PROSER2: variants seen among roughly 807,000 people sequenced by gnomAD.
PROSER2 encodes the protein proline and serine rich 2.
Under a neutral mutation model 14.6 loss-of-function variants are expected in PROSER2, and 18 were observed. That is an observed-to-expected ratio of 1.23 (90% confidence interval 0.85 to 1.83). PROSER2 has a LOEUF of 1.83. Among genes scored for constraint, PROSER2 ranks in the 40% most tolerant of loss-of-function variants. The pLI is 0.00. For missense variants in PROSER2, 823 were observed against 629.8 expected, an observed-to-expected ratio of 1.31 and a Z score of -3.28; for synonymous variants, 367 against 286.4, an observed-to-expected ratio of 1.28 and a Z score of -2.84.
rs1402972496 is a variant in PROSER2 at position 11,837,335 on chromosome 10, T to C, written c.-82+13865T>C. On this transcript the variant is annotated intron_variant, in intron 1 of 3. Transcript: ENST00000277570. This position sits in a 1 kb window ranked among gnomAD's most constrained non-coding sequence, Gnocchi z 4.6. Reference sequence around the variant, plus strand: ...AGTTTTGCTGTCACACTTCATACGTTCAAGTTATGACCACTGTGTGACAAG... The same window carrying C: ...AGTTTTGCTGTCACACTTCATACGTCCAAGTTATGACCACTGTGTGACAAG... Among the ~76,000 whole-genome samples the C allele has an allele frequency of 6.6e-6, 1 of 152,240 alleles. No homozygotes were observed. Among genetic ancestry groups the C allele is most frequent in the East Asian group, 1.9e-4 (1 of 5,206 alleles).
intron 1 of PROSER2, among the ~76,000 whole-genome samples, chr10:11,839,009 T>C (rs577926339): frequency 6.6e-6 from 1 of 152,368 alleles, no homozygotes; most frequent in East Asian, 1.9e-4. Flanking sequence ...ATAACTTGTA[T>C]TTTTTGAGTC....
intron 1 of PROSER2, among the ~76,000 whole-genome samples, chr10:11,833,598 G>A (rs1833717723): frequency 6.6e-6 from 1 of 152,056 alleles, no homozygotes; most frequent in African/African-American, 2.4e-5. Context: ...GGCTGAGGCA[G>A]GAGAATCTTT....
At chr10:11,835,106 T>TAAAAA (rs10556057) in intron 1 of PROSER2, among the ~76,000 whole-genome samples, 2 of 141,780 alleles carry the variant, frequency 1.4e-5, no homozygotes, top group South Asian at 2.2e-4. Context: ...GAATCTGTCT[T>TAAAAA]AAAAAAAAAA....
At chr10:11,858,903 G>A (rs980664251) in intron 2 of PROSER2, among the ~76,000 whole-genome samples, 1 of 150,538 alleles carries the variant, frequency 6.6e-6, no homozygotes, top group Non-Finnish European at 1.5e-5. Context: ...CAGCTACTCA[G>A]GAAGCTGAGG....
chr10:11,846,089 C>T (rs762361910), intron 1 of PROSER2, among the ~76,000 whole-genome samples: 18 of 152,116 alleles, frequency 1.2e-4, no homozygotes, highest in Non-Finnish European at 7.4e-5. Context: ...CGGTTTCAAG[C>T]GACCCTCCTG....
In PROSER2 at chr10:11,870,396, A is replaced by G. The variant is rs753039020; in HGVS notation, c.1298A>G (p.Glu433Gly). ...EALRKLGLLR[E>G]SS is the part of the protein sequence containing the mutation. ...CTGCGGAAGCTGGGGCTGCTCAGGG[A>G]GAGTTCGTGAGGGCCGCGCGGGCTC... Residue 433 changes from glutamate to glycine, a missense_variant, in exon 4 of 4, where the codon GAG becomes GGG. By Grantham distance (98) the Glu-to-Gly change is moderately conservative. Transcript: ENST00000277570. 2.5e-5 allele frequency: 37 copies of G among 1,498,218 alleles called. 1 individual carries two copies. The highest frequency in any genetic ancestry group is 1.4e-4 in the South Asian group (11 of 78,232). 92.8% of individuals were successfully genotyped at this position (1,498,218 alleles called of 1,614,324 possible).
At chr10:11,833,270 G>C (rs573964248) in intron 1 of PROSER2, among the ~76,000 whole-genome samples, 2 of 62,230 alleles carry the variant, frequency 3.2e-5, no homozygotes, top group East Asian at 7.0e-4. Flanking sequence ...TCTTTGCTGG[G>C]TGCAGTGGCT....
In PROSER2 at chr10:11,852,210, A is replaced by T; in HGVS notation, c.133A>T (p.Thr45Ser). The T allele has an allele frequency of 6.2e-7, 1 of 1,603,156 alleles. No homozygotes were observed. Among genetic ancestry groups the T allele is most frequent in the Non-Finnish European group, 8.5e-7 (1 of 1,173,584 alleles). The part of the protein sequence containing the change: ...RSSSSRSRSF[T>S]LDDESLKYLT... ...CAGCAGCTCTCGCTCCAGAAGCTTC[A>T]CTTTGGTGAGTGACAGTTTTTCTTT... The change falls in exon 2 of 4, where the codon ACT (threonine) becomes TCT (serine). Residue 45 changes from threonine to serine, a missense_variant. Coordinates refer to ENST00000277570, the MANE Select transcript of PROSER2 (RefSeq NM_153256.4).
rs1246279432 is a variant in PROSER2, at chr10:11,870,034, C to T, written c.936C>T (p.Ser312=). 4 of 1,239,082 alleles carry T rather than the reference C, an allele frequency of 3.2e-6. No homozygotes were observed. The highest frequency in any genetic ancestry group is 3.4e-5 in the East Asian group (1 of 29,046). 76.8% of individuals were successfully genotyped at this position (1,239,082 alleles called of 1,614,324 possible). A position where few individuals can be genotyped will look rare whatever the true frequency, so the allele number is the denominator to read the frequency against. ...AGEGAPGGGS[S]PERVARGRGL... ...AGGGGGCCCCAGGGGGCGGCTCCTC[C>T]CCGGAGCGGGTGGCGCGTGGCCGGG... The change falls in exon 4 of 4, where the codon TCC becomes TCT. Residue 312 remains serine, a synonymous_variant. Coordinates refer to ENST00000277570, the MANE Select transcript of PROSER2 (RefSeq NM_153256.4).
At position 11,869,399 on chromosome 10, in the gene PROSER2, G is replaced by A. The variant is rs896534327; in HGVS notation, c.392-91G>A. The A allele has an allele frequency of 1.8e-5, 18 of 980,460 alleles. 1 individual carries two copies. In the Middle Eastern group the frequency reaches 9.3e-4, roughly 51 times the overall value. The allele number at this position is 980,460 out of a possible 1,614,324, so 60.7% of individuals were successfully genotyped here. On this transcript the variant is annotated intron_variant, in intron 3 of 3. Transcript: ENST00000277570. This position sits in a 1 kb window ranked among gnomAD's most constrained non-coding sequence, Gnocchi z 4.4. The stretch of plus-strand genomic sequence containing the variant: ...CCGGCGAAGTTGGTGTCAGGTCCAG[G>A]TTGAGGCTCTTTTCAGTTCAGCGAG...
chr10:11,840,032 A>G (rs975263174), intron 1 of PROSER2, among the ~76,000 whole-genome samples: 2 of 151,330 alleles, frequency 1.3e-5, no homozygotes, highest in Admixed American at 1.3e-4. Flanking sequence ...AGCTCACTGC[A>G]ACCTCAGCCT....
chr10:11,868,286 A>G (rs558529993), intron 3 of PROSER2, among the ~76,000 whole-genome samples: 1 of 152,174 alleles, frequency 6.6e-6, no homozygotes, highest in African/African-American at 2.4e-5. Flanking sequence ...TTTTTCTTTC[A>G]TTTTTCTGAG....
rs140047539 is a variant in PROSER2 at position 11,862,749 on chromosome 10, A to G, written c.139-3782A>G. The G allele has an allele frequency of 1.0e-3, 158 of 152,316 alleles. No homozygotes were observed. Among genetic ancestry groups the G allele is most frequent in the African/African-American group, 3.6e-3 (150 of 41,570 alleles). The allele number at this position is 152,316 out of a possible 1,614,324, so 9.4% of individuals were successfully genotyped here. A position where few individuals can be genotyped will look rare whatever the true frequency, so the allele number is the denominator to read the frequency against. The stretch of plus-strand genomic sequence containing the variant: ...ATCAATATTTCATTATGTATATGCA[A>G]ATATTTCAAAATGTGAAAAAATCCA... On this transcript the variant is annotated intron_variant, in intron 2 of 3. Transcript: ENST00000277570. This position sits in a 1 kb window ranked among gnomAD's most constrained non-coding sequence, Gnocchi z 4.2.
At chr10:11,854,826 C>A (rs746184366) in intron 2 of PROSER2, among the ~76,000 whole-genome samples, 21 of 152,156 alleles carry the variant, frequency 1.4e-4, no homozygotes, top group Non-Finnish European at 2.9e-4. Context: ...AATACAGCGT[C>A]TCTAAACGTC....
chr10:11,844,845 C>G (rs1270826664), intron 1 of PROSER2, among the ~76,000 whole-genome samples: 1 of 152,198 alleles, frequency 6.6e-6, no homozygotes, highest in Non-Finnish European at 1.5e-5. Flanking sequence ...TGGTCTCAAA[C>G]TCCTGACCTC....
In PROSER2 at chr10:11,845,147, C is replaced by CTG. The variant is rs146457640; in HGVS notation, c.-81-6839_-81-6838dup. Among the ~76,000 whole-genome samples the CTG allele has an allele frequency of 2.5e-3, 384 of 151,966 alleles. 2 individuals carry two copies. The highest frequency in any genetic ancestry group is 8.7e-3 in the African/African-American group (359 of 41,454). On this transcript the variant is annotated intron_variant, in intron 1 of 3. Transcript: ENST00000277570. Reference sequence around the variant, plus strand: ...TTGCACCAACCTAATACATATGTCCCTGTGTGTGTGTGCAATTTCTCGGTA... The same window carrying CTG: ...TTGCACCAACCTAATACATATGTCCCTGTGTGTGTGTGTGCAATTTCTCGGTA...
intron 1 of PROSER2, among the ~76,000 whole-genome samples, chr10:11,831,202 T>A (rs1833685118): frequency 6.6e-6 from 1 of 152,148 alleles, no homozygotes; most frequent in Non-Finnish European, 1.5e-5. Flanking sequence ...GATTAAAAAT[T>A]CAGCCAAGAA....
chr10:11,868,631 G>GT (rs555501693), intron 3 of PROSER2, among the ~76,000 whole-genome samples: 1 of 144,708 alleles, frequency 6.9e-6, no homozygotes, highest in Non-Finnish European at 1.5e-5. Context: ...TGAATTTCAG[G>GT]TTTTTTGTTT....
chr10:11,825,389 C>G (rs1486811569), intron 1 of PROSER2, among the ~76,000 whole-genome samples: 1 of 152,176 alleles, frequency 6.6e-6, no homozygotes, highest in South Asian at 2.1e-4. Flanking sequence ...TGAAGGCCAT[C>G]GTTGCGTTTC....
Sources: allele counts gnomAD v4.1 joint callset (sites outside exome capture counted in the v4.1 genomes callset), GRCh38; gene constraint gnomAD v4.1.1; non-coding constraint Gnocchi (gnomAD v3.1); transcripts MANE v1.5; gene names NCBI Gene and HGNC (gene_info 2026-07-23, HGNC 2026-07-21).